IKZF1: variants seen among roughly 807,000 people sequenced by gnomAD.
IKZF1 encodes IKAROS family zinc finger 1, also known as DNA-binding protein Ikaros.
Under a neutral mutation model 51.7 loss-of-function variants are expected in IKZF1, and 10 were observed. That is an observed-to-expected ratio of 0.19 (90% CI 0.12 to 0.33). IKZF1 has a LOEUF of 0.33. IKZF1 is among the 10% of genes least tolerant of loss of function. The pLI, the probability that IKZF1 is intolerant of heterozygous loss-of-function variation, is 1.00. For synonymous variants in IKZF1, 280 were observed against 282.3 expected (o/e 0.99, Z 0.08); for missense variants, 484 against 707.5 (o/e 0.68, Z 3.58).
chr7:50,368,325 G>C (rs1052901261), intron 3 of IKZF1: 21 of 703,194 alleles, frequency 3.0e-5, no homozygotes, highest in Non-Finnish European at 4.7e-5. Context: ...TGATGGGATT[G>C]TTACTTCGCA....
chr7:50,387,206 C>A, intron 5 of IKZF1, 139 bp from the exon 6 acceptor site: 1 of 1,237,028 alleles, frequency 8.1e-7, no homozygotes, highest in Non-Finnish European at 1.1e-6. Context: ...AGGAATTTCA[C>A]CAAGTCCGTA....
intron 3 of IKZF1, among the ~76,000 whole-genome samples, chr7:50,349,552 G>A (rs552938383): frequency 1.3e-5 from 2 of 152,252 alleles, no homozygotes; most frequent in African/African-American, 2.4e-5. Context: ...AAGCCTCACC[G>A]CCGGCTTTGG....
At chr7:50,355,034 G>A (rs1001252543) in intron 3 of IKZF1, among the ~76,000 whole-genome samples, 10 of 152,110 alleles carry the variant, frequency 6.6e-5, no homozygotes, top group African/African-American at 2.4e-4. Context: ...GAGTCCTCAG[G>A]TGAGGAGGGG....
intron 1 of IKZF1, among the ~76,000 whole-genome samples, chr7:50,310,902 C>T (rs980453272): frequency 2.0e-5 from 3 of 152,114 alleles, no homozygotes; most frequent in Admixed American, 6.5e-5. Context: ...TGGAACCCCT[C>T]GAAGGTGGGG....
chr7:50,391,921 A>G lies in IKZF1; in HGVS notation c.850+58A>G. 2 of 1,555,558 alleles carry G rather than the reference A, an allele frequency of 1.3e-6. 1 individual carries two copies. Among genetic ancestry groups the G allele is most frequent in the South Asian group, 2.4e-5 (2 of 84,950 alleles). On this transcript the variant is annotated intron_variant, in intron 7 of 7. Coordinates refer to ENST00000331340, the MANE Select transcript of IKZF1 (RefSeq NM_006060.6). ...AAAACTATGTGGGTGTTTTAGATGC[A>G]AGTAGAAATGAGTTGAGGGTGGAAG...
At chr7:50,303,867 T>A (rs1230866935), upstream of IKZF1, among the ~76,000 whole-genome samples, 1 of 146,722 alleles carries the variant, frequency 6.8e-6, no homozygotes, top group Non-Finnish European at 1.5e-5. The surrounding 1 kb of genome is among the most constrained non-coding windows in gnomAD (Gnocchi z 4.7). Flanking sequence ...CCCGCACGTG[T>A]CGCCCGCGCC....
At chr7:50,328,290 G>A (rs568688309) in intron 3 of IKZF1, 1 of 152,402 alleles carries the variant, frequency 6.6e-6, no homozygotes, top group East Asian at 1.9e-4. Context: ...CCATAAAAAA[G>A]TGTGTGTGAA....
At position 50,306,188 on chromosome 7, in the gene IKZF1, A is replaced by G. The variant is rs902031693; in HGVS notation, c.-15+1266A>G. Among the ~76,000 whole-genome samples, 3 of 152,352 alleles carry G rather than the reference A, an allele frequency of 2.0e-5. No homozygotes were observed. In the East Asian group the frequency reaches 5.8e-4, roughly 29 times the overall value. On this transcript the variant is annotated intron_variant, in intron 1 of 7. Coordinates refer to ENST00000331340, the MANE Select transcript of IKZF1 (RefSeq NM_006060.6). The stretch of plus-strand genomic sequence containing the variant: ...GTAAAATGCAGAACAAGTTAAAGAA[A>G]TAATGTGTACACATACAAATAATGA...
At chr7:50,311,237 G>T (rs1002300846) in intron 1 of IKZF1, among the ~76,000 whole-genome samples, 1 of 152,158 alleles carries the variant, frequency 6.6e-6, no homozygotes, top group African/African-American at 2.4e-5. Context: ...ACCCATTATT[G>T]TATATAGGTC....
intron 3 of IKZF1, among the ~76,000 whole-genome samples, chr7:50,353,169 C>T (rs933577174): frequency 6.6e-6 from 1 of 152,212 alleles, no homozygotes; most frequent in Admixed American, 6.5e-5. Flanking sequence ...AGCCCAGGCA[C>T]AGGAGGCAGG....
intron 1 of IKZF1, among the ~76,000 whole-genome samples, chr7:50,317,962 C>A (rs896570959): frequency 3.9e-5 from 6 of 152,130 alleles, no homozygotes; most frequent in African/African-American, 1.4e-4. Context: ...GGGGGACAAC[C>A]TGGTTTAGAG....
intron 3 of IKZF1, among the ~76,000 whole-genome samples, chr7:50,345,534 G>A (rs939661625): frequency 2.6e-5 from 4 of 152,146 alleles, no homozygotes; most frequent in Non-Finnish European, 4.4e-5. Context: ...AAATTGAGCC[G>A]TCTTTGGAGA....
intron 3 of IKZF1, chr7:50,367,949 G>C: frequency 1.6e-6 from 1 of 622,380 alleles, no homozygotes; most frequent in Non-Finnish European, 2.9e-6. Flanking sequence ...GTTAAACTCT[G>C]ACTATACTCT....
chr7:50,366,481 A>G (rs62447201), intron 3 of IKZF1, among the ~76,000 whole-genome samples: 24,728 of 152,126 alleles, frequency 0.16, 2,448 homozygotes, highest in Non-Finnish European at 0.2. Context: ...ACTGGTAAAC[A>G]TGAAGACCTC....
intron 1 of IKZF1, among the ~76,000 whole-genome samples, chr7:50,313,760 C>G (rs1443064671): frequency 6.6e-6 from 1 of 152,214 alleles, no homozygotes; most frequent in Non-Finnish European, 1.5e-5. Context: ...GAGTTAAAGA[C>G]ACATTTACAT....
chr7:50,391,807 A>G lies in IKZF1; in HGVS notation c.794A>G (p.Asp265Gly), dbSNP rs1815154668. The G allele has an allele frequency of 6.2e-7, 1 of 1,614,040 alleles. No homozygotes were observed. The highest frequency in any genetic ancestry group is 8.5e-7 in the Non-Finnish European group (1 of 1,179,900). Reference protein sequence around the residue: ...KIGSERSLVLDRLASNVAKRK... With the variant: ...KIGSERSLVLGRLASNVAKRK... ...GGATCAGAGAGATCTCTCGTGCTGG[A>G]CAGACTAGCAAGTAACGTCGCCAAA... Residue 265 changes from aspartate to glycine, a missense_variant, in exon 7 of 8, where the codon GAC becomes GGC. By Grantham distance (94) the Asp-to-Gly change is moderately conservative (BLOSUM62 -1). Transcript: ENST00000331340.
rs540948932 is a variant in IKZF1, at chr7:50,387,536, G to A, written c.715+66G>A. On this transcript the variant is annotated intron_variant, in intron 6 of 7. Coordinates refer to ENST00000331340, the MANE Select transcript of IKZF1 (RefSeq NM_006060.6). Reference sequence around the variant, plus strand: ...CCCCAGCACGGTGGGGAAGGAGGGCGCTCTGCATGCAGCCTTAGGAGCAGA... The same window carrying A: ...CCCCAGCACGGTGGGGAAGGAGGGCACTCTGCATGCAGCCTTAGGAGCAGA... 3.5e-4 allele frequency: 539 copies of A among 1,526,188 alleles called. 2 individuals are homozygous for A. In the African/African-American group the frequency reaches 6.6e-3, roughly 19 times the overall value. 94.5% of individuals were successfully genotyped at this position (1,526,188 alleles called of 1,614,324 possible).
chr7:50,393,657 C>G (rs1815855868), intron 7 of IKZF1, among the ~76,000 whole-genome samples: 1 of 152,182 alleles, frequency 6.6e-6, no homozygotes, highest in South Asian at 2.1e-4. Context: ...ACCATGAGAA[C>G]GAGGGAGGCC....
At chr7:50,361,060 A>G (rs1411773853) in intron 3 of IKZF1, among the ~76,000 whole-genome samples, 1 of 152,190 alleles carries the variant, frequency 6.6e-6, no homozygotes, top group Non-Finnish European at 1.5e-5. Context: ...ACTTATATTG[A>G]GGACCTCACA....
Sources: gnomAD v4.1 joint callset for allele counts (sites outside exome capture counted in the v4.1 genomes callset) on GRCh38, gnomAD v4.1.1 for gene constraint, Gnocchi (gnomAD v3.1) non-coding constraint, MANE v1.5 for transcripts, NCBI Gene and HGNC (gene_info 2026-07-23, HGNC 2026-07-21) for gene names.